The following MEAK7 variants were observed in gnomAD, a reference collection of about 807,000 sequenced individuals.
MEAK7 encodes MTOR-associated protein MEAK7.
In MEAK7, 68 loss-of-function variants were observed where a neutral mutation model predicts 40.5. That is an observed-to-expected ratio of 1.68 (90% CI 1.38 to 2.06). The LOEUF is 2.06. MEAK7 is among the 30% of genes most tolerant of loss of function. The probability of loss-of-function intolerance (pLI) is 0.00; values close to 1 mark genes in which losing one functional copy is unlikely to be tolerated. For missense variants in MEAK7, 918 were observed against 580.5 expected (o/e 1.58, Z -5.98); for synonymous variants, 338 against 231.9 (o/e 1.46, Z -4.16).
chr16:84,489,153 C>G, intron 4 of MEAK7, 125 bp downstream of exon 4: 1 of 1,268,750 alleles, frequency 7.9e-7, no homozygotes, highest in Non-Finnish European at 1.0e-6. Flanking sequence ...ACTAGAAAAC[C>G]TAGAAGAAGG....
intron 2 of MEAK7, chr16:84,497,671 T>A (rs761567464): frequency 5.5e-5 from 81 of 1,462,800 alleles, no homozygotes; most frequent in Non-Finnish European, 7.2e-5. Context: ...AAGAGACTAT[T>A]GATTTCAAAA....
intron 6 of MEAK7, among the ~76,000 whole-genome samples, chr16:84,481,107 G>A (rs997396650): frequency 7.9e-5 from 12 of 152,218 alleles, no homozygotes; most frequent in African/African-American, 2.9e-4. Flanking sequence ...CCTGTGTTGG[G>A]GCCCCAGTGC....
intron 1 of MEAK7, among the ~76,000 whole-genome samples, chr16:84,498,552 G>C (rs181124644): frequency 1.3e-3 from 202 of 152,066 alleles, no homozygotes; most frequent in African/African-American, 4.6e-3. Flanking sequence ...TGGGATTAGA[G>C]ATGTGAACCA....
chr16:84,497,754 CA>C, intron 2 of MEAK7, 179 bp downstream of exon 2: 3 of 1,312,638 alleles, frequency 2.3e-6, no homozygotes, highest in Non-Finnish European at 2.1e-6. Context: ...GGAGCTACAA[CA>C]GAGACCGCAT....
intron 6 of MEAK7, among the ~76,000 whole-genome samples, chr16:84,482,207 C>T (rs1912619261): frequency 2.0e-5 from 3 of 152,334 alleles, no homozygotes; most frequent in East Asian, 1.9e-4. Flanking sequence ...TCATGAGCTG[C>T]CGGCCGTCCA....
At chr16:84,485,726 A>C (rs1174251708) in intron 5 of MEAK7, among the ~76,000 whole-genome samples, 2 of 151,978 alleles carry the variant, frequency 1.3e-5, no homozygotes, top group Non-Finnish European at 2.9e-5. Flanking sequence ...TCTGTTGCTC[A>C]GGCTGGAGTG....
In MEAK7 at chr16:84,482,666, C is replaced by A. The variant is rs1955773854; in HGVS notation, c.1003G>T (p.Val335Leu). Residue 335 changes from valine to leucine, a missense_variant, in exon 6 of 8, where the codon GTG becomes TTG. By Grantham distance (32) the Val-to-Leu change is conservative. Transcript: ENST00000343629. Reference protein sequence around the residue: ...FLFSICPSMAVYTHTGYNDHY... With the variant: ...FLFSICPSMALYTHTGYNDHY... ...TCGTTGTAGCCCGTGTGTGTGTACA[C>A]AGCCATGCTGGGGCAGATGGAGAAC... 1 of 1,614,106 alleles carries A rather than the reference C, an allele frequency of 6.2e-7. No homozygotes were observed. The highest frequency in any genetic ancestry group is 1.7e-5 in the Admixed American group (1 of 60,002).
chr16:84,491,869 A>T lies in MEAK7; in HGVS notation c.385-2447T>A, dbSNP rs544825283. ...AAAAAAAGAAAAGAAAAAAGAAAAC[A>T]GATTTAAATTTTTTTAAATTAAGGT... On this transcript the variant is annotated intron_variant, in intron 3 of 7. Transcript: ENST00000343629. Among the ~76,000 whole-genome samples, 9 of 152,192 alleles carry T rather than the reference A, an allele frequency of 5.9e-5. 1 individual carries two copies. The South Asian group carries it at 1.9e-3, about 32-fold the overall frequency.
chr16:84,480,674 C>G lies in MEAK7; in HGVS notation c.1112G>C (p.Trp371Ser), dbSNP rs753430823. The change falls in exon 7 of 8, where the codon TGG (tryptophan) becomes TCG (serine). Residue 371 changes from tryptophan (W) to serine (S), a missense_variant. Coordinates refer to ENST00000343629, the MANE Select transcript of MEAK7 (RefSeq NM_020947.4). ...MGGQHNYFGL[W>S]VDVDFGKGHS... Reference sequence around the variant, plus strand: ...TCCTTTCCCAAAATCAACATCCACCCAAAGCCCAAAGTAATTGTGCTGCCC... The same window carrying G: ...TCCTTTCCCAAAATCAACATCCACCGAAAGCCCAAAGTAATTGTGCTGCCC... The G allele has an allele frequency of 6.2e-6, 10 of 1,613,814 alleles. No individual in the cohort carries two copies. The highest frequency in any genetic ancestry group is 8.5e-6 in the Non-Finnish European group (10 of 1,179,850).
At chr16:84,495,660 A>G in intron 3 of MEAK7, 23 bp downstream of exon 3, 1 of 1,611,646 alleles carries the variant, frequency 6.2e-7, no homozygotes, top group Non-Finnish European at 8.5e-7. Flanking sequence ...AGGAGGCTGC[A>G]AAGGACCTCG....
chr16:84,501,052 G>A (rs555879037), intron 1 of MEAK7, among the ~76,000 whole-genome samples: 17 of 129,924 alleles, frequency 1.3e-4, no homozygotes, highest in African/African-American at 5.8e-5. Context: ...CCGAGACCAC[G>A]CCACTACACT....
Position 84,498,031 on chromosome 16 carries a change from T to G in MEAK7, c.56A>C (p.Glu19Ala). Residue 19 changes from glutamate (E) to alanine (A), a missense_variant, in exon 2 of 8, where the codon GAG becomes GCG. Coordinates refer to ENST00000343629, the MANE Select transcript of MEAK7 (RefSeq NM_020947.4). ...CAATTGATCAATCTCTGCCTGTTCC[T>G]CAGGAAGAAACTGTGAACAAAAGCT... is the stretch of plus-strand genomic sequence containing the variant. ...GRSFCSQFLP[E>A]EQAEIDQLFD... 1.2e-6 allele frequency: 2 copies of G among 1,614,178 alleles called. No individual in the cohort carries two copies. The highest frequency in any genetic ancestry group is 1.7e-6 in the Non-Finnish European group (2 of 1,180,036).
chr16:84,487,953 T>C (rs541500249), intron 4 of MEAK7: 2 of 152,296 alleles, frequency 1.3e-5, no homozygotes, highest in East Asian at 3.9e-4. Context: ...TTTACAGAGA[T>C]TATAATTCCC....
At position 84,497,915 on chromosome 16, in the gene MEAK7, C is replaced by T. The variant is rs1055451708; in HGVS notation, c.153+19G>A. 12 of 1,614,020 alleles carry T rather than the reference C, an allele frequency of 7.4e-6. No individual in the cohort carries two copies. Among genetic ancestry groups the T allele is most frequent in the Non-Finnish European group, 1.0e-5 (12 of 1,180,030 alleles). ...CCCCTGCTCCCAACTAAACATGAACCACGGGTTGTTACTCTTGCCTGTAGT... is the reference window on the plus strand; with the variant it reads ...CCCCTGCTCCCAACTAAACATGAACTACGGGTTGTTACTCTTGCCTGTAGT... On this transcript the variant is annotated intron_variant, in intron 2 of 7. Transcript: ENST00000343629.
chr16:84,495,925 A>G lies in MEAK7; in HGVS notation c.154-12T>C, dbSNP rs1156705003. 1 of 1,613,392 alleles carries G rather than the reference A, an allele frequency of 6.2e-7. No individual in the cohort carries two copies. Among genetic ancestry groups the G allele is most frequent in the Non-Finnish European group, 8.5e-7 (1 of 1,179,768 alleles). ...TCCCCGACGTGGTTCTGCCGGGGAC[A>G]AGCAGAAAAATATGGTTAGACAGTG... On this transcript the variant is annotated splice_polypyrimidine_tract_variant and intron_variant, in intron 2 of 7. Transcript: ENST00000343629.
chr16:84,501,171 G>A (rs1029942823), intron 1 of MEAK7, among the ~76,000 whole-genome samples: 12 of 151,934 alleles, frequency 7.9e-5, no homozygotes, highest in African/African-American at 2.9e-4. Context: ...TGGCCTGGGG[G>A]TGTAACAAGA....
At chr16:84,496,929 G>C (rs200693256) in intron 2 of MEAK7, 1 of 157,302 alleles carries the variant, frequency 6.4e-6, no homozygotes, top group Non-Finnish European at 1.4e-5. Context: ...TCTGTGTACA[G>C]CTAATTTCGT....
chr16:84,493,124 G>C (rs1257338633), intron 3 of MEAK7, among the ~76,000 whole-genome samples: 1 of 152,136 alleles, frequency 6.6e-6, no homozygotes, highest in Admixed American at 6.5e-5. Flanking sequence ...AAAATTCTAT[G>C]AGATTCCTGT....
intron 4 of MEAK7, among the ~76,000 whole-genome samples, chr16:84,489,014 A>G (rs1346639170): frequency 6.6e-6 from 1 of 152,228 alleles, no homozygotes; most frequent in Non-Finnish European, 1.5e-5. Context: ...ACCGACAAAA[A>G]TGTGAAAACC....
Sources: gnomAD v4.1 joint callset for allele counts (sites outside exome capture counted in the v4.1 genomes callset) on GRCh38, gnomAD v4.1.1 for gene constraint, MANE v1.5 for transcripts, NCBI Gene and HGNC (gene_info 2026-07-23, HGNC 2026-07-21) for gene names.